The following RBM33 variants were observed in gnomAD, a reference collection of about 807,000 sequenced individuals.
RBM33 encodes RNA binding motif protein 33.
A neutral mutation model predicts 132.6 loss-of-function variants in RBM33; 28 were observed. The ratio of observed to expected loss-of-function variants is 0.21; its 90% CI spans 0.16 to 0.29. The LOEUF is 0.29. Ranked by LOEUF, RBM33 falls within the 10% of genes least tolerant of loss-of-function variation. RBM33 has a pLI of 1.00. For synonymous variants in RBM33, 634 were observed against 593.0 expected, an observed-to-expected ratio of 1.07 and a Z score of -1.01; for missense variants, 1,291 against 1,518.5, an observed-to-expected ratio of 0.85 and a Z score of 2.49.
At chr7:155,652,463 A>G (rs140096096) in intron 1 of RBM33, among the ~76,000 whole-genome samples, 1 of 152,348 alleles carries the variant, frequency 6.6e-6, no homozygotes, top group African/African-American at 2.4e-5. Flanking sequence ...CTTAGATTAG[A>G]TAATTGCTAG....
At chr7:155,741,658 A>G (rs954544475) in intron 12 of RBM33, among the ~76,000 whole-genome samples, 161 bp from the exon 13 acceptor site, 23 of 152,220 alleles carry the variant, frequency 1.5e-4, no homozygotes, top group Non-Finnish European at 3.1e-4. Flanking sequence ...GGTGACATTT[A>G]TGTATGAGAA....
At chr7:155,693,222 T>C (rs1799695816) in intron 5 of RBM33, among the ~76,000 whole-genome samples, 1 of 152,228 alleles carries the variant, frequency 6.6e-6, no homozygotes, top group Non-Finnish European at 1.5e-5. Context: ...TTCTTTTTCC[T>C]TTTTAAATAT....
intron 14 of RBM33, among the ~76,000 whole-genome samples, chr7:155,760,863 C>G (rs1284749058): frequency 6.6e-6 from 1 of 152,194 alleles, no homozygotes; most frequent in East Asian, 1.9e-4. Flanking sequence ...CACAAACTAC[C>G]AGCCTGACTT....
intron 7 of RBM33, among the ~76,000 whole-genome samples, chr7:155,708,365 A>G (rs1800177118): frequency 6.6e-6 from 1 of 152,224 alleles, no homozygotes; most frequent in South Asian, 2.1e-4. Context: ...TCTCCGCCGC[A>G]AACCTCCACT....
rs779787573 is a variant in RBM33, at chr7:155,776,557, C to T, written c.*1516C>T. ...AGCAGGTCTTCCAGACCCTGCGATC[C>T]TTTCTGTAGCAGTGATTCTAAAGTG... On this transcript the variant is annotated 3_prime_UTR_variant, in exon 18 of 18. Coordinates refer to ENST00000401878, the MANE Select transcript of RBM33 (RefSeq NM_053043.3). This position sits in a 1 kb window ranked among gnomAD's most constrained non-coding sequence, Gnocchi z 4.0. 1 of 152,272 alleles carries T rather than the reference C, an allele frequency of 6.6e-6. No individual in the cohort carries two copies. The highest frequency in any genetic ancestry group is 1.5e-5 in the Non-Finnish European group (1 of 68,046). 9.4% of individuals were successfully genotyped at this position (152,272 alleles called of 1,614,324 possible). A position where few individuals can be genotyped will look rare whatever the true frequency, so the allele number is the denominator to read the frequency against.
intron 2 of RBM33, among the ~76,000 whole-genome samples, chr7:155,665,703 G>T (rs894290095): frequency 1.3e-5 from 2 of 152,140 alleles, no homozygotes; most frequent in African/African-American, 2.4e-5. Context: ...ACCTGTTTAG[G>T]AATGGATGAA....
intron 1 of RBM33, among the ~76,000 whole-genome samples, chr7:155,655,785 G>T (rs1464590403): frequency 6.6e-6 from 1 of 152,124 alleles, no homozygotes. Context: ...AGCTGGCATG[G>T]TAGTGTGCAC....
At chr7:155,698,739 T>C (rs1799872657) in intron 5 of RBM33, among the ~76,000 whole-genome samples, 1 of 152,258 alleles carries the variant, frequency 6.6e-6, no homozygotes, top group Non-Finnish European at 1.5e-5. Context: ...TTTTGTTCCT[T>C]GGAGAATATC....
At position 155,740,023 on chromosome 7, in the gene RBM33, G is replaced by T. The variant is rs1355976554; in HGVS notation, c.2046G>T (p.Arg682=). ...RMQCPQRQGL[R]HNTTSQNVSK... ...AGTGCCCCCAGCGCCAGGGGCTCCGGCATGTAAGTGTCAAGGGGTGTCTTC... is the reference window on the plus strand; with the variant it reads ...AGTGCCCCCAGCGCCAGGGGCTCCGTCATGTAAGTGTCAAGGGGTGTCTTC... Residue 682 remains arginine, a synonymous_variant, in exon 12 of 18, where the codon CGG becomes CGT. Coordinates refer to ENST00000401878, the MANE Select transcript of RBM33 (RefSeq NM_053043.3). The T allele has an allele frequency of 6.5e-7, 1 of 1,539,530 alleles. No individual in the cohort carries two copies. The highest frequency in any genetic ancestry group is 1.9e-5 in the Admixed American group (1 of 52,292).
intron 5 of RBM33, among the ~76,000 whole-genome samples, chr7:155,696,922 C>T (rs189643100): frequency 4.6e-5 from 7 of 152,240 alleles, no homozygotes; most frequent in Admixed American, 2.6e-4. Context: ...GTTTGTTTGA[C>T]GCTTTTTTCA....
chr7:155,673,514 G>A (rs1182248658), intron 3 of RBM33, among the ~76,000 whole-genome samples: 2 of 136,474 alleles, frequency 1.5e-5, no homozygotes, highest in East Asian at 2.1e-4. Context: ...ACATACACAC[G>A]TGTATATATA....
At chr7:155,725,035 T>C (rs1456689249) in intron 9 of RBM33, among the ~76,000 whole-genome samples, 1 of 147,742 alleles carries the variant, frequency 6.8e-6, no homozygotes, top group Non-Finnish European at 1.5e-5. Flanking sequence ...TGTGTGTGTG[T>C]GTACAGATTT....
At chr7:155,771,873 A>G (rs996750023) in intron 16 of RBM33, among the ~76,000 whole-genome samples, 2 of 152,060 alleles carry the variant, frequency 1.3e-5, no homozygotes, top group Non-Finnish European at 2.9e-5. Flanking sequence ...CTGAGTACCT[A>G]GGACTAGAGG....
At chr7:155,754,720 C>G (rs957807076) in intron 14 of RBM33, among the ~76,000 whole-genome samples, 2 of 152,220 alleles carry the variant, frequency 1.3e-5, no homozygotes, top group African/African-American at 4.8e-5. Context: ...AGAGAGAGAG[C>G]AAGCACTTGA....
chr7:155,657,846 CTT>C (rs1798534350), intron 1 of RBM33, among the ~76,000 whole-genome samples: 1 of 145,144 alleles, frequency 6.9e-6, no homozygotes, highest in African/African-American at 2.5e-5. Context: ...TGAAGCATGA[CTT>C]TTGATGTTTT....
At chr7:155,730,562 GAGCTC>G (rs1189027477) in intron 9 of RBM33, among the ~76,000 whole-genome samples, 17 of 152,178 alleles carry the variant, frequency 1.1e-4, no homozygotes, top group Admixed American at 1.1e-3. Context: ...ATTCAGTCAT[GAGCTC>G]AAGGCTGTAG....
rs766511315 is a variant in RBM33 at position 155,745,620 on chromosome 7, A to C, written c.2979+18A>C. The C allele has an allele frequency of 1.1e-5, 17 of 1,547,748 alleles. No individual in the cohort carries two copies. The highest frequency in any genetic ancestry group is 1.4e-5 in the Non-Finnish European group (16 of 1,147,338). On this transcript the variant is annotated intron_variant, in intron 14 of 17. Coordinates refer to ENST00000401878, the MANE Select transcript of RBM33 (RefSeq NM_053043.3). The surrounding 1 kb of genome is among the most constrained non-coding windows in gnomAD (Gnocchi z 4.1). ...CAGGTGGGGTAAGTTGACAAGTTTTATGAGAGCCTCTTTGAGTCTGTGTAT... is the reference window on the plus strand; with the variant it reads ...CAGGTGGGGTAAGTTGACAAGTTTTCTGAGAGCCTCTTTGAGTCTGTGTAT...
At chr7:155,689,036 C>T (rs1417801133) in intron 5 of RBM33, among the ~76,000 whole-genome samples, 10 of 152,178 alleles carry the variant, frequency 6.6e-5, no homozygotes, top group African/African-American at 1.4e-4. Context: ...GGAATAGTTT[C>T]GGAAGTAATG....
intron 1 of RBM33, among the ~76,000 whole-genome samples, chr7:155,647,176 A>C (rs943868826): frequency 5.3e-5 from 8 of 152,162 alleles, no homozygotes; most frequent in African/African-American, 1.9e-4. Context: ...CATAAAAGTT[A>C]AAAAAAATTT....
Sources: allele counts gnomAD v4.1 joint callset (sites outside exome capture counted in the v4.1 genomes callset), GRCh38; gene constraint gnomAD v4.1.1; non-coding constraint Gnocchi (gnomAD v3.1); transcripts MANE v1.5; gene names NCBI Gene and HGNC (gene_info 2026-07-23, HGNC 2026-07-21).